ANKAR: variants seen among roughly 807,000 people sequenced by gnomAD.
ANKAR encodes ankyrin and armadillo repeat containing, also known as ankyrin and armadillo repeat-containing protein.
A neutral mutation model predicts 146.2 loss-of-function variants in ANKAR; 136 were observed. That is an observed-to-expected ratio of 0.93 (90% CI 0.81 to 1.07). ANKAR has a LOEUF of 1.07. Among genes scored for constraint, ANKAR ranks in the 50% least tolerant of loss-of-function variants. ANKAR has a pLI of 0.00. For synonymous variants in ANKAR, 500 were observed against 575.8 expected, an observed-to-expected ratio of 0.87 and a Z score of 1.88; for missense variants, 1,567 against 1,679.9, an observed-to-expected ratio of 0.93 and a Z score of 1.18.
chr2:189,677,119 T>A (rs1372637112), intron 2 of ANKAR, 28 bp downstream of exon 2: 5 of 1,055,634 alleles, frequency 4.7e-6, no homozygotes, highest in Non-Finnish European at 6.2e-6. Flanking sequence ...TTCTTAAATT[T>A]TTTTTTTTTT....
rs1431756341 is a variant in ANKAR, at chr2:189,741,334, A to T, written c.3701-8A>T. On this transcript the variant is annotated splice_polypyrimidine_tract_variant and splice_region_variant and intron_variant, in intron 19 of 22. Transcript: ENST00000684021. ...ATAACACAAGCATTTTTCTTGTTTA[A>T]TTTATAGGGAATTTAATAGCAAGCC... 6.3e-7 allele frequency: 1 copy of T among 1,577,752 alleles called. No individual in the cohort carries two copies. Among genetic ancestry groups the T allele is most frequent in the Non-Finnish European group, 8.6e-7 (1 of 1,162,700 alleles).
At position 189,710,963 on chromosome 2, in the gene ANKAR, A is replaced by G. The variant is rs1179240227; in HGVS notation, c.2120-86A>G. On this transcript the variant is annotated intron_variant, in intron 9 of 22. Transcript: ENST00000684021. ...AGTGGTGACCTCAACTGTTGGTTTT[A>G]TTTAGCTGGTACAAAAAACAGAATC... The G allele has an allele frequency of 4.3e-6, 5 of 1,154,402 alleles. No homozygotes were observed. The African/African-American group carries it at 7.7e-5, about 18-fold the overall frequency. The allele number at this position is 1,154,402 out of a possible 1,614,324, so 71.5% of individuals were successfully genotyped here. A position where few individuals can be genotyped will look rare whatever the true frequency, so the allele number is the denominator to read the frequency against.
downstream of ANKAR, chr2:189,762,759 A>G (rs555945990): frequency 8.1e-6 from 8 of 985,514 alleles, no homozygotes; most frequent in African/African-American, 8.7e-5. Context: ...TTATCGCTGC[A>G]GGAGAAAGCC....
intron 2 of ANKAR, among the ~76,000 whole-genome samples, chr2:189,686,366 G>A (rs770137331): frequency 4.6e-5 from 7 of 152,162 alleles, no homozygotes; most frequent in Non-Finnish European, 7.3e-5. Context: ...GGGTAACATT[G>A]TAGATATAAC....
In ANKAR at chr2:189,689,771, C is replaced by G; in HGVS notation, c.846C>G (p.Ile282Met). ...AIKYNQDYLD[I>M]CTYQRLQQRL... ...AATATAATCAGGATTATCTTGATAT[C>G]TGTACCTACCAGAGACTACAGCAAA... The change falls in exon 3 of 23, where the codon ATC becomes ATG. Residue 282 changes from isoleucine to methionine, a missense_variant. Coordinates refer to ENST00000684021, the MANE Select transcript of ANKAR (RefSeq NM_001378068.1). 3.1e-6 allele frequency: 5 copies of G among 1,611,494 alleles called. No homozygotes were observed. The highest frequency in any genetic ancestry group is 4.2e-6 in the Non-Finnish European group (5 of 1,178,608).
rs2037156926 is a variant in ANKAR, at chr2:189,696,093, C to T, written c.1489-57C>T. 3.3e-6 allele frequency: 5 copies of T among 1,537,058 alleles called. No individual in the cohort carries two copies. In the African/African-American group the frequency reaches 5.5e-5, roughly 17 times the overall value. On this transcript the variant is annotated intron_variant, in intron 6 of 22. Coordinates refer to ENST00000684021, the MANE Select transcript of ANKAR (RefSeq NM_001378068.1). ...TTAATACACTTCATGTATTTTTTTC[C>T]TTAAACCAAACTTTAGGTGCATTTT...
chr2:189,722,465 T>C (rs1471967324), intron 12 of ANKAR, among the ~76,000 whole-genome samples: 4 of 152,156 alleles, frequency 2.6e-5, no homozygotes, highest in African/African-American at 9.7e-5. Flanking sequence ...ATCTAACTAA[T>C]TAAAATTTAA....
intron 9 of ANKAR, among the ~76,000 whole-genome samples, chr2:189,709,148 AAG>A (rs987047707): frequency 6.6e-6 from 1 of 152,102 alleles, no homozygotes; most frequent in Non-Finnish European, 1.5e-5. Flanking sequence ...TTTAAAAAAA[AAG>A]AGACACGACC....
downstream of ANKAR, chr2:189,750,455 A>T: frequency 1.7e-6 from 1 of 579,864 alleles, no homozygotes; most frequent in Admixed American, 3.6e-5. Context: ...CAAATAGAAA[A>T]AAAAAAATAA....
At chr2:189,745,027 C>CTACTAATAATAATAATAATAATAA (rs376824673) in intron 22 of ANKAR, among the ~76,000 whole-genome samples, 401 of 131,098 alleles carry the variant, frequency 3.1e-3, no homozygotes, top group Middle Eastern at 0.011. Context: ...ACTACTACTA[C>CTACTAATAATAATAATAATAATAA]TAATAATACA....
chr2:189,711,196 A>G, intron 10 of ANKAR, 43 bp downstream of exon 10: 1 of 1,408,088 alleles, frequency 7.1e-7, no homozygotes, highest in Non-Finnish European at 9.8e-7. Context: ...TATTTTATGT[A>G]GAGCTATATT....
At chr2:189,755,293 A>G (rs748741114) in intron 18 of ANKAR, 1 of 1,613,542 alleles carries the variant, frequency 6.2e-7, no homozygotes, top group Non-Finnish European at 8.5e-7. Context: ...CTAAAAAAGG[A>G]AATTCTACTT....
At chr2:189,756,141 C>T (rs896106786) in intron 18 of ANKAR, among the ~76,000 whole-genome samples, 6 of 152,124 alleles carry the variant, frequency 3.9e-5, no homozygotes, top group African/African-American at 1.2e-4. Flanking sequence ...TTTATAAAGA[C>T]GACGAGTTTA....
chr2:189,698,415 TTAGA>T (rs934632765), intron 7 of ANKAR, among the ~76,000 whole-genome samples: 4 of 152,082 alleles, frequency 2.6e-5, no homozygotes, highest in African/African-American at 9.7e-5. Flanking sequence ...ATAATATAAA[TTAGA>T]TAGGCTGCCA....
At chr2:189,741,545 T>C in intron 20 of ANKAR, 94 bp downstream of exon 20, 4 of 745,334 alleles carry the variant, frequency 5.4e-6, no homozygotes, top group Non-Finnish European at 8.5e-6. Context: ...TGATTGACTG[T>C]GTTATAGATA....
intron 18 of ANKAR, among the ~76,000 whole-genome samples, chr2:189,758,614 GAACT>G (rs1209317959): frequency 3.9e-5 from 6 of 152,176 alleles, no homozygotes; most frequent in Admixed American, 1.3e-4. Context: ...GTGCAAGAAT[GAACT>G]AACACAGGTT....
rs769416543 is a variant in ANKAR, at chr2:189,692,084, CTATT to C, written c.1040-167_1040-164del. Among the ~76,000 whole-genome samples, 57 of 152,248 alleles carry C rather than the reference CTATT, an allele frequency of 3.7e-4. No individual in the cohort carries two copies. The Middle Eastern group carries it at 0.017, about 45-fold the overall frequency. ...CTCAAAAATATATTTTAATGTTAAA[CTATT>C]TATATACATTAACAGCATAAATAAT... On this transcript the variant is annotated intron_variant, in intron 3 of 22. Transcript: ENST00000684021.
At chr2:189,758,100 G>A (rs1432544195) in intron 18 of ANKAR, among the ~76,000 whole-genome samples, 1 of 151,990 alleles carries the variant, frequency 6.6e-6, no homozygotes, top group Non-Finnish European at 1.5e-5. Flanking sequence ...TTAAAAGTGT[G>A]GGCCGGGAGT....
rs369027048 is a variant in ANKAR, at chr2:189,705,104, C to T, written c.1790C>T (p.Thr597Met). 38 of 1,613,936 alleles carry T rather than the reference C, an allele frequency of 2.4e-5. No individual in the cohort carries two copies. Among genetic ancestry groups the T allele is most frequent in the East Asian group, 4.5e-5 (2 of 44,878 alleles). ...CTACTGTGTTCCAAAGCTGATTACACGCTTTCTGAAAAAAGAGGCTGGATG... is the reference window on the plus strand; with the variant it reads ...CTACTGTGTTCCAAAGCTGATTACATGCTTTCTGAAAAAAGAGGCTGGATG... ...VCLLCSKADY[T>M]LSEKRGWMPI... is the part of the protein sequence containing the mutation. The change falls in exon 8 of 23, where the codon ACG becomes ATG. Residue 597 changes from threonine (T) to methionine (M), a missense_variant. Thr to Met is a moderately conservative substitution (Grantham distance 81). Coordinates refer to ENST00000684021, the MANE Select transcript of ANKAR (RefSeq NM_001378068.1).
Sources: allele counts gnomAD v4.1 joint callset (sites outside exome capture counted in the v4.1 genomes callset), GRCh38; gene constraint gnomAD v4.1.1; transcripts MANE v1.5; gene names NCBI Gene and HGNC (gene_info 2026-07-23, HGNC 2026-07-21).